PSMD13: variants seen among roughly 807,000 people sequenced by gnomAD.
PSMD13 encodes the protein proteasome 26S subunit, non-ATPase 13.
A neutral mutation model predicts 57.4 loss-of-function variants in PSMD13; 8 were observed. The observed-to-expected ratio is 0.14, with a 90% confidence interval of 0.08 to 0.25. PSMD13 has a LOEUF of 0.25. Ranked by LOEUF, PSMD13 falls within the 10% of genes least tolerant of loss-of-function variation. PSMD13 has a pLI of 1.00. For missense variants in PSMD13, 400 were observed against 461.5 expected, an observed-to-expected ratio of 0.87 and a Z score of 1.22; for synonymous variants, 193 against 168.2, an observed-to-expected ratio of 1.15 and a Z score of -1.14.
chr11:247,763 G>C lies in PSMD13; in HGVS notation c.568+315G>C, dbSNP rs187583478. 7 of 204,838 alleles carry C rather than the reference G, an allele frequency of 3.4e-5. No individual in the cohort carries two copies. In the East Asian group the frequency reaches 9.9e-4, roughly 29 times the overall value. The allele number at this position is 204,838 out of a possible 1,614,324, so 12.7% of individuals were successfully genotyped here. A position where few individuals can be genotyped will look rare whatever the true frequency, so the allele number is the denominator to read the frequency against. On this transcript the variant is annotated intron_variant, in intron 7 of 12. Coordinates refer to ENST00000532097, the MANE Select transcript of PSMD13 (RefSeq NM_002817.4). ...CAGGAGAATCACTTGAACTCGGGAGGTGGAGGTTGCAGTGAGCCAAGATTG... is the reference window on the plus strand; with the variant it reads ...CAGGAGAATCACTTGAACTCGGGAGCTGGAGGTTGCAGTGAGCCAAGATTG...
intron 6 of PSMD13, among the ~76,000 whole-genome samples, chr11:246,446 A>G (rs1391909754): frequency 6.6e-6 from 1 of 151,854 alleles, no homozygotes; most frequent in African/African-American, 2.4e-5. Context: ...GGTTGCAGTG[A>G]GCCGAGATCG....
rs1384154329 is a variant in PSMD13, at chr11:251,413, T to A, written c.838-133T>A. On this transcript the variant is annotated intron_variant, in intron 10 of 12. Transcript: ENST00000532097. The surrounding 1 kb of genome is among the most constrained non-coding windows in gnomAD (Gnocchi z 4.6). ...TTCTTAACAAGATATATGTCTAATA[T>A]TAGGAAACTTTTTAGTATGTGGGGT... 2.7e-6 allele frequency: 2 copies of A among 747,980 alleles called. No homozygotes were observed. The highest frequency in any genetic ancestry group is 4.3e-6 in the Non-Finnish European group (2 of 462,680). 46.3% of individuals were successfully genotyped at this position (747,980 alleles called of 1,614,324 possible).
chr11:242,640 C>T (rs911578235), intron 2 of PSMD13, among the ~76,000 whole-genome samples: 3 of 152,060 alleles, frequency 2.0e-5, no homozygotes, highest in Admixed American at 6.5e-5. Context: ...CTGTCAACTC[C>T]GATGATAAAG....
chr11:252,615 C>T lies in PSMD13; in HGVS notation c.*15C>T. On this transcript the variant is annotated 3_prime_UTR_variant, in exon 13 of 13. Transcript: ENST00000532097. The surrounding 1 kb of genome is among the most constrained non-coding windows in gnomAD (Gnocchi z 4.1). Reference sequence around the variant, plus strand: ...TCCTCACCTAGGGCCCCCTGGTTCCCCGTCGTGTCTCCTTTGACTCACCTG... The same window carrying T: ...TCCTCACCTAGGGCCCCCTGGTTCCTCGTCGTGTCTCCTTTGACTCACCTG... The T allele has an allele frequency of 1.2e-6, 2 of 1,612,136 alleles. No individual in the cohort carries two copies. The highest frequency in any genetic ancestry group is 1.7e-6 in the Non-Finnish European group (2 of 1,178,270).
At chr11:249,194 T>G (rs1859718576) in intron 9 of PSMD13, 137 bp downstream of exon 9, 2 of 1,254,222 alleles carry the variant, frequency 1.6e-6, no homozygotes, top group Non-Finnish European at 2.2e-6. Context: ...TAGTCCTTGC[T>G]CTCATAGAGC....
In PSMD13 at chr11:247,304, C is replaced by T. The variant is rs765834438; in HGVS notation, c.424C>T (p.Leu142Phe). The T allele has an allele frequency of 6.2e-6, 10 of 1,613,310 alleles. No individual in the cohort carries two copies. In the South Asian group the frequency reaches 1.1e-4, roughly 18 times the overall value. The change falls in exon 7 of 13, where the codon CTC becomes TTC. Residue 142 changes from leucine (L) to phenylalanine (F), a missense_variant. Transcript: ENST00000532097. Reference sequence around the variant, plus strand: ...AACAATTGAAGATGTTGAAGAAATGCTCAACAACCTTCCTGGTGTGACATC... The same window carrying T: ...AACAATTGAAGATGTTGAAGAAATGTTCAACAACCTTCCTGGTGTGACATC... ...KETIEDVEEMLNNLPGVTSVH... is the reference protein window; with the variant it reads ...KETIEDVEEMFNNLPGVTSVH...
In PSMD13 at chr11:252,402, G is replaced by T; in HGVS notation, c.1036-103G>T. On this transcript the variant is annotated intron_variant, in intron 12 of 12. Coordinates refer to ENST00000532097, the MANE Select transcript of PSMD13 (RefSeq NM_002817.4). The surrounding 1 kb of genome is among the most constrained non-coding windows in gnomAD (Gnocchi z 4.1). Reference sequence around the variant, plus strand: ...CTTTTTACTAGAGCTGCCCTAGAGAGTTAGCTGGAGATGTAGAGTCACCCC... The same window carrying T: ...CTTTTTACTAGAGCTGCCCTAGAGATTTAGCTGGAGATGTAGAGTCACCCC... 1 of 1,063,028 alleles carries T rather than the reference G, an allele frequency of 9.4e-7. No homozygotes were observed. Among genetic ancestry groups the T allele is most frequent in the Non-Finnish European group, 1.5e-6 (1 of 688,240 alleles). The allele number at this position is 1,063,028 out of a possible 1,614,324, so 65.8% of individuals were successfully genotyped here. A position where few individuals can be genotyped will look rare whatever the true frequency, so the allele number is the denominator to read the frequency against.
At chr11:243,533 T>G in intron 2 of PSMD13, 2 of 338,630 alleles carry the variant, frequency 5.9e-6, no homozygotes, top group South Asian at 5.0e-5. Context: ...CAGCCTTACT[T>G]ATGGGATTCA....
chr11:243,522 A>G, intron 2 of PSMD13: 2 of 329,254 alleles, frequency 6.1e-6, no homozygotes, highest in Non-Finnish European at 1.2e-5. Flanking sequence ...AGGATTTTCA[A>G]CAGCCTTACT....
chr11:237,216 C>G (rs1859290738), intron 1 of PSMD13, 72 bp downstream of exon 1: 1 of 1,441,302 alleles, frequency 6.9e-7, no homozygotes, highest in Non-Finnish European at 9.5e-7. Flanking sequence ...GGCGGAGGAG[C>G]GGACCCTTGA....
At chr11:240,688 A>C (rs1859494673) in intron 2 of PSMD13, among the ~76,000 whole-genome samples, 1 of 152,206 alleles carries the variant, frequency 6.6e-6, no homozygotes, top group Non-Finnish European at 1.5e-5. Context: ...ACCAGAAGTA[A>C]TTTTGACTTT....
At chr11:249,090 C>T (rs765441883) in intron 9 of PSMD13, 33 bp downstream of exon 9, 2 of 1,606,100 alleles carry the variant, frequency 1.2e-6, no homozygotes, top group South Asian at 1.1e-5. Context: ...CCCTTATTCC[C>T]CCATGTATCT....
intron 6 of PSMD13, among the ~76,000 whole-genome samples, chr11:245,408 CTCAG>C (rs1415596312): frequency 2.0e-5 from 3 of 152,220 alleles, no homozygotes; most frequent in South Asian, 2.1e-4. Context: ...TCCACATGGC[CTCAG>C]TCAGCCCAAA....
chr11:237,294 A>G (rs1018695213), intron 1 of PSMD13, 150 bp downstream of exon 1: 29 of 696,626 alleles, frequency 4.2e-5, no homozygotes, highest in African/African-American at 3.4e-4. Context: ...TGTGCCGGCA[A>G]GGTTTGCTGA....
chr11:239,044 C>T lies in PSMD13; in HGVS notation c.142C>T (p.Pro48Ser), dbSNP rs1180158059. ...TCAGGTGCTTGATTTTGTGCAGGAT[C>T]CGTGCTTTGCCCAAGGAGATGGTCT... ...TLQVLDFVQD[P>S]CFAQGDGLIK... The change falls in exon 2 of 13, where the codon CCG becomes TCG. Residue 48 changes from proline (P) to serine (S), a missense_variant. Pro to Ser is a moderately conservative substitution (Grantham distance 74). Coordinates refer to ENST00000532097, the MANE Select transcript of PSMD13 (RefSeq NM_002817.4). The T allele has an allele frequency of 2.3e-5, 37 of 1,614,004 alleles. No homozygotes were observed. The highest frequency in any genetic ancestry group is 3.1e-5 in the Non-Finnish European group (36 of 1,180,030).
chr11:250,272 A>G (rs1260208684), intron 9 of PSMD13, among the ~76,000 whole-genome samples: 1 of 152,264 alleles, frequency 6.6e-6, no homozygotes, highest in Non-Finnish European at 1.5e-5. Flanking sequence ...GAGATGATGC[A>G]TATCTTGCAG....
chr11:251,452 CTA>C lies in PSMD13; in HGVS notation c.838-92_838-91del. On this transcript the variant is annotated intron_variant, in intron 10 of 12. Coordinates refer to ENST00000532097, the MANE Select transcript of PSMD13 (RefSeq NM_002817.4). The surrounding 1 kb of genome is among the most constrained non-coding windows in gnomAD (Gnocchi z 4.6). The stretch of plus-strand genomic sequence containing the variant: ...AGTATGTGGGGTACTAATAAGATCT[CTA>C]TTTTCAGAGCCAATATTGACAAAAC... The C allele has an allele frequency of 8.8e-7, 1 of 1,132,132 alleles. No homozygotes were observed. Among genetic ancestry groups the C allele is most frequent in the Non-Finnish European group, 1.3e-6 (1 of 786,354 alleles). The allele number at this position is 1,132,132 out of a possible 1,614,324, so 70.1% of individuals were successfully genotyped here. A position where few individuals can be genotyped will look rare whatever the true frequency, so the allele number is the denominator to read the frequency against.
intron 1 of PSMD13, among the ~76,000 whole-genome samples, chr11:238,357 A>G (rs1859426436): frequency 6.6e-6 from 1 of 152,236 alleles, no homozygotes; most frequent in Non-Finnish European, 1.5e-5. Flanking sequence ...ATACCTGGGA[A>G]AACTGAGTCT....
intron 8 of PSMD13, 21 bp downstream of exon 8, chr11:248,876 G>A (rs1794110): frequency 6.2e-7 from 1 of 1,614,116 alleles, no homozygotes; most frequent in Admixed American, 1.7e-5. Flanking sequence ...CCTGAGCTCA[G>A]CTTCCTTAAC....
Sources: allele counts gnomAD v4.1 joint callset (sites outside exome capture counted in the v4.1 genomes callset), GRCh38; gene constraint gnomAD v4.1.1; non-coding constraint Gnocchi (gnomAD v3.1); transcripts MANE v1.5; gene names NCBI Gene and HGNC (gene_info 2026-07-23, HGNC 2026-07-21).